The following CSMD1 variants were observed in gnomAD, a reference collection of about 807,000 sequenced individuals.
The protein encoded by CSMD1 is CUB and sushi domain-containing protein 1.
A neutral mutation model predicts 417.5 loss-of-function variants in CSMD1; 213 were observed. The observed-to-expected ratio is 0.51, with a 90% CI of 0.46 to 0.57. The LOEUF is 0.57. CSMD1 is among the 20% of genes least tolerant of loss of function. The probability of loss-of-function intolerance (pLI) is 0.00; values close to 1 mark genes in which losing one functional copy is unlikely to be tolerated. For synonymous variants in CSMD1, 2,862 were observed against 1,736.8 expected (o/e 1.65, Z -16.11); for missense variants, 6,923 against 4,529.7 (o/e 1.53, Z -15.17).
chr8:3,911,786 T>C (rs1321477188), intron 5 of CSMD1, among the ~76,000 whole-genome samples: 3 of 152,196 alleles, frequency 2.0e-5, no homozygotes, highest in African/African-American at 4.8e-5. Context: ...CATTTCTCAA[T>C]AGACTGAAAC....
At chr8:4,659,153 T>C (rs1804424997) in intron 1 of CSMD1, among the ~76,000 whole-genome samples, 1 of 151,430 alleles carries the variant, frequency 6.6e-6, no homozygotes, top group South Asian at 2.1e-4. Context: ...CATGAGAAAA[T>C]AAAAAGTTTC....
At chr8:4,043,654 T>A (rs543116356) in intron 3 of CSMD1, among the ~76,000 whole-genome samples, 2 of 152,342 alleles carry the variant, frequency 1.3e-5, no homozygotes, top group East Asian at 3.9e-4. Context: ...CTAGGAGTGG[T>A]GGTTCCTGGG....
At chr8:3,869,010 G>A (rs115817289) in intron 5 of CSMD1, among the ~76,000 whole-genome samples, 6,350 of 152,264 alleles carry the variant, frequency 0.042, 167 homozygotes, top group Middle Eastern at 0.068. Context: ...CAGCTCTCTC[G>A]AAGTAACAGC....
intron 6 of CSMD1, among the ~76,000 whole-genome samples, chr8:3,737,276 T>A (rs964420852): frequency 4.6e-5 from 7 of 152,202 alleles, no homozygotes; most frequent in African/African-American, 1.4e-4. Flanking sequence ...AAGTTTATCT[T>A]GCTAAAGTAA....
chr8:3,361,596 G>C (rs185876116), intron 20 of CSMD1, among the ~76,000 whole-genome samples: 1 of 137,210 alleles, frequency 7.3e-6, no homozygotes, highest in Non-Finnish European at 1.5e-5. Flanking sequence ...AGGTTGCAGT[G>C]AGCTGAGATT....
At chr8:4,104,079 A>G (rs1421541217) in intron 3 of CSMD1, among the ~76,000 whole-genome samples, 1 of 152,224 alleles carries the variant, frequency 6.6e-6, no homozygotes, top group Admixed American at 6.5e-5. Flanking sequence ...GTTCTCCCTC[A>G]AGACACACAA....
chr8:4,898,478 A>G (rs1804650648), intron 1 of CSMD1, among the ~76,000 whole-genome samples: 2 of 152,198 alleles, frequency 1.3e-5, no homozygotes, highest in African/African-American at 2.4e-5. Context: ...GCCGACCAAA[A>G]TCCAAATGCT....
Position 3,298,387 on chromosome 8 carries a change from C to G in CSMD1, c.3950+9308G>C, listed in dbSNP as rs529351580. On this transcript the variant is annotated intron_variant, in intron 25 of 69. Transcript: ENST00000635120. ...ATAAATAAATTATATCAGGAAATATCTAACGGTATCAATGGGTGTGAAGAT... is the reference window on the plus strand; with the variant it reads ...ATAAATAAATTATATCAGGAAATATGTAACGGTATCAATGGGTGTGAAGAT... Among the ~76,000 whole-genome samples, 2 of 152,284 alleles carry G rather than the reference C, an allele frequency of 1.3e-5. 1 individual carries two copies. The highest frequency in any genetic ancestry group is 4.1e-4 in the South Asian group (2 of 4,824).
At position 3,475,220 on chromosome 8, in the gene CSMD1, C is replaced by T. The variant is rs553606396; in HGVS notation, c.1449-6396G>A. On this transcript the variant is annotated intron_variant, in intron 11 of 69. Coordinates refer to ENST00000635120, the MANE Select transcript of CSMD1 (RefSeq NM_033225.6). ...TTTTGCCTCTAGGTCATCACAGAAT[C>T]CTTCACGCAATTCAGTTTCACAGAA... Among the ~76,000 whole-genome samples the T allele has an allele frequency of 2.6e-5, 4 of 152,146 alleles. 1 individual carries two copies. The highest frequency in any genetic ancestry group is 4.1e-4 in the South Asian group (2 of 4,824).
intron 51 of CSMD1, among the ~76,000 whole-genome samples, chr8:3,028,637 T>C (rs531351575): frequency 6.6e-6 from 1 of 152,228 alleles, no homozygotes; most frequent in Non-Finnish European, 1.5e-5. Flanking sequence ...AAAATTATTA[T>C]CAAAGACAGT....
intron 18 of CSMD1, among the ~76,000 whole-genome samples, chr8:3,371,728 C>T (rs1017123112): frequency 2.0e-5 from 3 of 152,164 alleles, no homozygotes; most frequent in African/African-American, 4.8e-5. Context: ...GGGAACAAAT[C>T]ATCTCCTTTA....
chr8:4,186,963 C>G (rs1798715533), intron 3 of CSMD1, among the ~76,000 whole-genome samples: 1 of 151,982 alleles, frequency 6.6e-6, no homozygotes. Flanking sequence ...GCCTGGGTGA[C>G]ACAGCAAGAT....
At chr8:4,447,043 C>G (rs186287528) in intron 2 of CSMD1, among the ~76,000 whole-genome samples, 3 of 152,112 alleles carry the variant, frequency 2.0e-5, no homozygotes, top group African/African-American at 7.2e-5. Context: ...AAAGGATCAT[C>G]AGCCTGTGTC....
At chr8:3,179,745 T>A (rs1380627911) in intron 37 of CSMD1, among the ~76,000 whole-genome samples, 1 of 152,218 alleles carries the variant, frequency 6.6e-6, no homozygotes, top group African/African-American at 2.4e-5. Flanking sequence ...AGGCTTATGT[T>A]TTTCTATCTA....
At chr8:3,745,605 T>C (rs1246590142) in intron 6 of CSMD1, among the ~76,000 whole-genome samples, 1 of 152,190 alleles carries the variant, frequency 6.6e-6, no homozygotes, top group East Asian at 1.9e-4. Context: ...CATCTCTGGA[T>C]TCATTCTGAG....
chr8:4,007,760 C>G (rs781610399), intron 4 of CSMD1, among the ~76,000 whole-genome samples: 1 of 151,992 alleles, frequency 6.6e-6, no homozygotes, highest in Non-Finnish European at 1.5e-5. Context: ...AGCCTCTATT[C>G]ATTTGTCTTT....
chr8:4,911,272 T>C (rs1248999787), intron 1 of CSMD1, among the ~76,000 whole-genome samples: 1 of 152,258 alleles, frequency 6.6e-6, no homozygotes, highest in Admixed American at 6.5e-5. Flanking sequence ...TCGTAATTTC[T>C]GCCTATACAT....
chr8:4,701,363 T>G (rs1020433821), intron 1 of CSMD1, among the ~76,000 whole-genome samples: 4 of 151,978 alleles, frequency 2.6e-5, no homozygotes, highest in Admixed American at 2.0e-4. Flanking sequence ...CTCCTTTGTT[T>G]ATCTTGCCAG....
chr8:3,815,066 T>C (rs1385594210), intron 5 of CSMD1, among the ~76,000 whole-genome samples: 3 of 152,198 alleles, frequency 2.0e-5, no homozygotes, highest in South Asian at 2.1e-4. Flanking sequence ...GGGAAAAAGA[T>C]TAAATGTCCC....
Sources: gnomAD v4.1 joint callset for allele counts (sites outside exome capture counted in the v4.1 genomes callset) on GRCh38, gnomAD v4.1.1 for gene constraint, MANE v1.5 for transcripts, NCBI Gene and HGNC (gene_info 2026-07-23, HGNC 2026-07-21) for gene names.